PDE3A: variants seen among roughly 807,000 people sequenced by gnomAD.
PDE3A encodes the protein phosphodiesterase 3A, also known as cGMP-inhibited 3',5'-cyclic phosphodiesterase 3A.
PDE3A carries 43 observed loss-of-function variants against 98.3 expected under a neutral mutation model. The observed-to-expected ratio is 0.44, with a 90% CI of 0.34 to 0.56. The LOEUF (loss-of-function observed/expected upper bound fraction) is 0.56. Ranked by LOEUF, PDE3A falls within the 20% of genes least tolerant of loss-of-function variation. The pLI, the probability that PDE3A is intolerant of heterozygous loss-of-function variation, is 0.01. For missense variants in PDE3A, 1,427 were observed against 1,440.7 expected, an observed-to-expected ratio of 0.99 and a Z score of 0.15; for synonymous variants, 663 against 567.9, an observed-to-expected ratio of 1.17 and a Z score of -2.38.
intron 1 of PDE3A, among the ~76,000 whole-genome samples, chr12:20,376,921 A>G (rs1943582433): frequency 6.6e-6 from 1 of 151,882 alleles, no homozygotes; most frequent in African/African-American, 2.4e-5. Context: ...GTCATTTGTT[A>G]TTTAGGAATC....
At chr12:20,560,848 C>T (rs137965843) in intron 2 of PDE3A, among the ~76,000 whole-genome samples, 5 of 152,090 alleles carry the variant, frequency 3.3e-5, no homozygotes, top group Admixed American at 1.3e-4. Context: ...TTTTCCTCGC[C>T]GGAAACCCAC....
At chr12:20,455,350 G>A (rs554009221) in intron 1 of PDE3A, among the ~76,000 whole-genome samples, 24 of 152,182 alleles carry the variant, frequency 1.6e-4, no homozygotes, top group African/African-American at 5.8e-4. Flanking sequence ...ACAGATGCTG[G>A]ATATTAGACC....
At chr12:20,556,547 T>A in intron 1 of PDE3A, 113 bp from the exon 2 acceptor site, 1 of 713,036 alleles carries the variant, frequency 1.4e-6, no homozygotes, top group East Asian at 2.7e-5. Flanking sequence ...TGATAGCTAT[T>A]TAATATATTA....
At chr12:20,548,241 A>C (rs1942105265) in intron 1 of PDE3A, among the ~76,000 whole-genome samples, 1 of 152,100 alleles carries the variant, frequency 6.6e-6, no homozygotes, top group African/African-American at 2.4e-5. Context: ...TGAGAAGAGA[A>C]GAAACATTCT....
intron 2 of PDE3A, among the ~76,000 whole-genome samples, chr12:20,607,973 A>AAGTT (rs1024166941): frequency 6.6e-6 from 1 of 152,100 alleles, no homozygotes; most frequent in African/African-American, 2.4e-5. Context: ...ATTTTTTTCA[A>AAGTT]AGTTAATAGG....
At position 20,630,048 on chromosome 12, in the gene PDE3A, T is replaced by C. The variant is rs1944347111; in HGVS notation, c.1681T>C (p.Ser561Pro). 1 of 1,613,882 alleles carries C rather than the reference T, an allele frequency of 6.2e-7. No individual in the cohort carries two copies. The highest frequency in any genetic ancestry group is 1.6e-4 in the Middle Eastern group (1 of 6,080). ...CACAACTGCCAAACAAAGCCTAGGT[T>C]CTCACAGGGCCTTAACTTACACTCA... is the stretch of plus-strand genomic sequence containing the variant. ...ADTTAKQSLG[S>P]HRALTYTQSA... Residue 561 changes from serine (S) to proline (P), a missense_variant, in exon 6 of 16, where the codon TCT (serine) becomes CCT (proline). By Grantham distance (74) the Ser-to-Pro change is moderately conservative. Coordinates refer to ENST00000359062, the MANE Select transcript of PDE3A (RefSeq NM_000921.5).
intron 2 of PDE3A, among the ~76,000 whole-genome samples, chr12:20,569,899 C>G (rs1411737971): frequency 6.6e-6 from 1 of 152,126 alleles, no homozygotes; most frequent in South Asian, 2.1e-4. Context: ...TTATGGCATA[C>G]AGAACAGAAT....
chr12:20,403,226 T>G (rs534409566), intron 1 of PDE3A, among the ~76,000 whole-genome samples: 1 of 152,316 alleles, frequency 6.6e-6, no homozygotes, highest in African/African-American at 2.4e-5. Context: ...AATTAAAATG[T>G]TTGGAGATAT....
chr12:20,411,099 T>G (rs1388043808), intron 1 of PDE3A, among the ~76,000 whole-genome samples: 1 of 152,200 alleles, frequency 6.6e-6, no homozygotes, highest in African/African-American at 2.4e-5. Flanking sequence ...CTTTCAAATT[T>G]TGGCATTTAT....
chr12:20,369,883 C>T lies in PDE3A; in HGVS notation c.599C>T (p.Ala200Val). The change falls in exon 1 of 16, where the codon GCC becomes GTC. Residue 200 changes from alanine (A) to valine (V), a missense_variant. Coordinates refer to ENST00000359062, the MANE Select transcript of PDE3A (RefSeq NM_000921.5). ...GGGGTGGTGCTCAGCTGCTTGGCCGCCGCGACATGGCTGGTGCTGAGGCTG... is the reference window on the plus strand; with the variant it reads ...GGGGTGGTGCTCAGCTGCTTGGCCGTCGCGACATGGCTGGTGCTGAGGCTG... ...AAGVVLSCLA[A>V]ATWLVLRLRL... is the part of the protein sequence containing the mutation. 1.2e-6 allele frequency: 2 copies of T among 1,613,200 alleles called. No individual in the cohort carries two copies. The highest frequency in any genetic ancestry group is 1.7e-4 in the Middle Eastern group (1 of 6,014).
chr12:20,660,996 T>C (rs1768373107), intron 15 of PDE3A, among the ~76,000 whole-genome samples: 1 of 152,154 alleles, frequency 6.6e-6, no homozygotes, highest in South Asian at 2.1e-4. Context: ...GTGAGAAAGT[T>C]AGTTTGGAAT....
At position 20,681,178 on chromosome 12, in the gene PDE3A, A is replaced by G. The variant is rs374759223; in HGVS notation, c.*907A>G. 1 of 152,192 alleles carries G rather than the reference A, an allele frequency of 6.6e-6. No homozygotes were observed. The highest frequency in any genetic ancestry group is 1.5e-5 in the Non-Finnish European group (1 of 68,076). 9.4% of individuals were successfully genotyped at this position (152,192 alleles called of 1,614,324 possible). A position where few individuals can be genotyped will look rare whatever the true frequency, so the allele number is the denominator to read the frequency against. ...TGAAGGAGCTCTATCACCAGCCTCA[A>G]ACCCGAAAGACTGAGGCATTTTCCA... On this transcript the variant is annotated 3_prime_UTR_variant, in exon 16 of 16. Coordinates refer to ENST00000359062, the MANE Select transcript of PDE3A (RefSeq NM_000921.5).
rs1555114180 is a variant in PDE3A, at chr12:20,687,783, G to C, written c.*7512G>C. 6.6e-6 allele frequency among the ~76,000 whole-genome samples: 1 copy of C among 151,752 alleles called. No individual in the cohort carries two copies. Among genetic ancestry groups the C allele is most frequent in the Non-Finnish European group, 1.5e-5 (1 of 67,878 alleles). On this transcript the variant is annotated 3_prime_UTR_variant, in exon 16 of 16. Coordinates refer to ENST00000359062, the MANE Select transcript of PDE3A (RefSeq NM_000921.5). ...TAATATATTAGGATATGTGACTGAA[G>C]GAAATTTAATCTGAATTTAGAGTGT...
intron 10 of PDE3A, 42 bp from the exon 11 acceptor site, chr12:20,646,448 A>T (rs751521211): frequency 9.1e-7 from 1 of 1,098,794 alleles, no homozygotes; most frequent in East Asian, 2.4e-5. Context: ...CTTGGACCCC[A>T]AAGTTCATAA....
chr12:20,630,167 G>A (rs201293506), intron 6 of PDE3A, 40 bp downstream of exon 6: 7 of 1,375,160 alleles, frequency 5.1e-6, no homozygotes, highest in Admixed American at 3.4e-5. Context: ...TAATAAAAAC[G>A]ATGATAGTTT....
intron 2 of PDE3A, among the ~76,000 whole-genome samples, chr12:20,563,727 C>T (rs1390790141): frequency 2.6e-5 from 4 of 152,090 alleles, no homozygotes; most frequent in Non-Finnish European, 5.9e-5. Flanking sequence ...GGGGACCACA[C>T]AAAATATATT....
rs77441132 is a variant in PDE3A at position 20,372,599 on chromosome 12, G to A, written c.960+2355G>A. Among the ~76,000 whole-genome samples the A allele has an allele frequency of 1.5e-4, 23 of 152,164 alleles. No homozygotes were observed. In the East Asian group the frequency reaches 4.4e-3, roughly 29 times the overall value. On this transcript the variant is annotated intron_variant, in intron 1 of 15. Transcript: ENST00000359062. ...GCTACCCACAGTAAATGGCTTATCT[G>A]TTTTATCATAAGGAAACAAACTTCT...
intron 8 of PDE3A, among the ~76,000 whole-genome samples, chr12:20,635,685 G>A (rs763586946): frequency 2.7e-5 from 4 of 150,712 alleles, no homozygotes; most frequent in African/African-American, 4.9e-5. Flanking sequence ...CCCAGGAGGC[G>A]GAGGTTGCAG....
intron 1 of PDE3A, among the ~76,000 whole-genome samples, chr12:20,544,027 C>G (rs539807710): frequency 1.3e-5 from 2 of 151,884 alleles, no homozygotes; most frequent in Non-Finnish European, 2.9e-5. Flanking sequence ...AGTCTGGACT[C>G]TAGAGCTAAC....
Sources: gnomAD v4.1 joint callset for allele counts (sites outside exome capture counted in the v4.1 genomes callset) on GRCh38, gnomAD v4.1.1 for gene constraint, MANE v1.5 for transcripts, NCBI Gene and HGNC (gene_info 2026-07-23, HGNC 2026-07-21) for gene names.